HACD1: variants seen among roughly 807,000 people sequenced by gnomAD.
HACD1 encodes the protein very-long-chain (3R)-3-hydroxyacyl-CoA dehydratase 1.
Under a neutral mutation model 32.0 loss-of-function variants are expected in HACD1, and 41 were observed. That is an observed-to-expected ratio of 1.28 (90% CI 1.00 to 1.66). The LOEUF is 1.66. HACD1 is among the 40% of genes most tolerant of loss of function. The pLI is 0.00. For synonymous variants in HACD1, 142 were observed against 139.0 expected, an observed-to-expected ratio of 1.02 and a Z score of -0.15; for missense variants, 396 against 380.1, an observed-to-expected ratio of 1.04 and a Z score of -0.35.
intron 4 of HACD1, among the ~76,000 whole-genome samples, chr10:17,601,336 C>T (rs1435025275): frequency 2.0e-5 from 3 of 152,128 alleles, no homozygotes; most frequent in Non-Finnish European, 1.5e-5. Flanking sequence ...ACCCGCCCAC[C>T]TTATTCATTT....
intron 6 of HACD1, among the ~76,000 whole-genome samples, chr10:17,592,834 G>C (rs1281389301): frequency 2.0e-5 from 3 of 152,304 alleles, no homozygotes; most frequent in Non-Finnish European, 4.4e-5. Flanking sequence ...ACAGAATCAG[G>C]CTGAAGTGGT....
rs572424611 is a variant in HACD1, at chr10:17,609,310, C to T, written c.258-5263G>A. Reference sequence around the variant, plus strand: ...CTGAGACTATAGGCGCCCGCCACCACGCCCGGCTAATTTGTTGTATTTTTA... The same window carrying T: ...CTGAGACTATAGGCGCCCGCCACCATGCCCGGCTAATTTGTTGTATTTTTA... On this transcript the variant is annotated intron_variant, in intron 1 of 6. Transcript: ENST00000361271. 7.2e-5 allele frequency among the ~76,000 whole-genome samples: 11 copies of T among 151,988 alleles called. 1 individual carries two copies. The South Asian group carries it at 1.2e-3, about 17-fold the overall frequency.
intron 4 of HACD1, 65 bp from the exon 5 acceptor site, chr10:17,599,476 A>C: frequency 6.5e-7 from 1 of 1,539,874 alleles, no homozygotes; most frequent in Non-Finnish European, 8.7e-7. Context: ...GAAGGTACTT[A>C]CTTTACTTAT....
intron 4 of HACD1, among the ~76,000 whole-genome samples, chr10:17,601,958 C>A (rs1291576712): frequency 6.6e-6 from 1 of 151,888 alleles, no homozygotes; most frequent in Non-Finnish European, 1.5e-5. Context: ...CTAAGAAAGG[C>A]ATGTGAGAAA....
At chr10:17,613,958 T>C (rs1208231870) in intron 1 of HACD1, among the ~76,000 whole-genome samples, 1 of 152,188 alleles carries the variant, frequency 6.6e-6, no homozygotes, top group Non-Finnish European at 1.5e-5. Context: ...CGGGAGCAGA[T>C]TGCAAAAAGC....
At chr10:17,604,534 C>A (rs1263831426) in intron 1 of HACD1, among the ~76,000 whole-genome samples, 1 of 150,936 alleles carries the variant, frequency 6.6e-6, no homozygotes. Context: ...AGAATATTAG[C>A]CTTAAAAAGA....
chr10:17,600,212 T>C (rs1352224620), intron 4 of HACD1, among the ~76,000 whole-genome samples: 1 of 152,222 alleles, frequency 6.6e-6, no homozygotes, highest in Non-Finnish European at 1.5e-5. Context: ...TCTTATTCCA[T>C]AAAAAATCTT....
rs894110566 is a variant in HACD1 at position 17,594,110 on chromosome 10, A to G, written c.784+95T>C. ...CGAAGTTTTAATGTATTTGTAAGCA[A>G]TTATTTCTAATTATTTCCCCTTGCA... On this transcript the variant is annotated intron_variant, in intron 6 of 6. Transcript: ENST00000361271. 5.4e-6 allele frequency: 6 copies of G among 1,109,306 alleles called. No homozygotes were observed. The African/African-American group carries it at 9.6e-5, about 18-fold the overall frequency. The allele number at this position is 1,109,306 out of a possible 1,614,324, so 68.7% of individuals were successfully genotyped here.
intron 4 of HACD1, 112 bp downstream of exon 4, chr10:17,603,448 T>C: frequency 9.7e-7 from 1 of 1,031,692 alleles, no homozygotes; most frequent in Non-Finnish European, 1.4e-6. Context: ...ACCCAACTCC[T>C]TTTTGTCCAA....
At chr10:17,598,335 A>ATAAGTAATT (rs1834023407) in intron 5 of HACD1, among the ~76,000 whole-genome samples, 2 of 151,500 alleles carry the variant, frequency 1.3e-5, no homozygotes, top group Admixed American at 1.3e-4. Context: ...TAGAGAGATT[A>ATAAGTAATT]TAAGTAATTT....
At chr10:17,608,016 G>T (rs534021067) in intron 1 of HACD1, among the ~76,000 whole-genome samples, 2 of 152,022 alleles carry the variant, frequency 1.3e-5, no homozygotes, top group African/African-American at 4.8e-5. Flanking sequence ...TCTGCAATTA[G>T]GATTTTTTTT....
chr10:17,600,689 A>C (rs1834057808), intron 4 of HACD1, among the ~76,000 whole-genome samples: 1 of 152,156 alleles, frequency 6.6e-6, no homozygotes, highest in Non-Finnish European at 1.5e-5. Context: ...ATCTGTACTA[A>C]GAGTTGTCTG....
rs1554816838 is a variant in HACD1, at chr10:17,604,054, A to C, written c.258-7T>G. ...AATAGCTAGAACCAACCACCTAAAA[A>C]AAAAAAGTATTTCATAAAGTTCTTT... On this transcript the variant is annotated splice_polypyrimidine_tract_variant and splice_region_variant and intron_variant, in intron 1 of 6. Coordinates refer to ENST00000361271, the MANE Select transcript of HACD1 (RefSeq NM_014241.4). 8 of 1,527,592 alleles carry C rather than the reference A, an allele frequency of 5.2e-6. No individual in the cohort carries two copies. Among genetic ancestry groups the C allele is most frequent in the Non-Finnish European group, 7.1e-6 (8 of 1,129,404 alleles). The allele number at this position is 1,527,592 out of a possible 1,614,324, so 94.6% of individuals were successfully genotyped here.
chr10:17,600,037 G>A (rs906975090), intron 4 of HACD1, among the ~76,000 whole-genome samples: 3 of 152,144 alleles, frequency 2.0e-5, no homozygotes, highest in African/African-American at 7.2e-5. Context: ...CCATATTCAA[G>A]GTTCTTTGCA....
intron 1 of HACD1, among the ~76,000 whole-genome samples, chr10:17,611,527 C>T (rs899534941): frequency 1.8e-4 from 28 of 152,206 alleles, no homozygotes; most frequent in African/African-American, 6.8e-4. Flanking sequence ...TATTAATGCC[C>T]CAGGTTACCC....
chr10:17,609,299 GC>G (rs1834195074), intron 1 of HACD1, among the ~76,000 whole-genome samples: 1 of 151,676 alleles, frequency 6.6e-6, no homozygotes, highest in Admixed American at 6.6e-5. Context: ...GACTATAGGC[GC>G]CCGCCACCAC....
intron 5 of HACD1, among the ~76,000 whole-genome samples, chr10:17,596,550 A>C (rs2131505907): frequency 6.6e-6 from 1 of 150,876 alleles, no homozygotes; most frequent in Non-Finnish European, 1.5e-5. Context: ...ACAATAAGCT[A>C]GTTGAAAGTC....
chr10:17,616,332 G>A (rs1833083888), intron 1 of HACD1, among the ~76,000 whole-genome samples: 2 of 152,172 alleles, frequency 1.3e-5, no homozygotes, highest in Non-Finnish European at 2.9e-5. Context: ...GTTTACATAA[G>A]TTAATACTTC....
intron 1 of HACD1, among the ~76,000 whole-genome samples, chr10:17,604,510 T>C (rs1176447095): frequency 6.8e-6 from 1 of 147,044 alleles, no homozygotes; most frequent in African/African-American, 2.5e-5. Context: ...AGAAATGTGG[T>C]CTATACAGAC....
Sources: allele counts gnomAD v4.1 joint callset (sites outside exome capture counted in the v4.1 genomes callset), GRCh38; gene constraint gnomAD v4.1.1; transcripts MANE v1.5; gene names NCBI Gene and HGNC (gene_info 2026-07-23, HGNC 2026-07-21).